The following TEKT1 variants were observed in gnomAD, a reference collection of about 807,000 sequenced individuals.
TEKT1 encodes the protein tektin-1.
TEKT1 carries 32 observed loss-of-function variants against 34.8 expected under a neutral mutation model. The observed-to-expected ratio is 0.92, with a 90% CI of 0.69 to 1.23. The LOEUF is 1.23. Among genes scored for constraint, TEKT1 ranks in the 50% most tolerant of loss-of-function variants. The probability of loss-of-function intolerance (pLI) is 0.00; values close to 1 mark genes in which losing one functional copy is unlikely to be tolerated. For synonymous variants in TEKT1, 207 were observed against 199.8 expected (o/e 1.04, Z -0.30); for missense variants, 492 against 518.5 (o/e 0.95, Z 0.50).
chr17:6,810,045 C>T (rs143659190), intron 6 of TEKT1, among the ~76,000 whole-genome samples: 2 of 152,292 alleles, frequency 1.3e-5, no homozygotes, highest in African/African-American at 4.8e-5. Context: ...TATGTTTAGC[C>T]TTGTAAGAAA....
At chr17:6,809,789 C>T (rs78727666) in intron 6 of TEKT1, among the ~76,000 whole-genome samples, 13,311 of 152,204 alleles carry the variant, frequency 0.087, 693 homozygotes, top group Middle Eastern at 0.19. Flanking sequence ...CTTAGCAATA[C>T]GCATTTAAAG....
At chr17:6,818,720 G>T (rs1479635484) in intron 3 of TEKT1, among the ~76,000 whole-genome samples, 1 of 152,072 alleles carries the variant, frequency 6.6e-6, no homozygotes, top group Non-Finnish European at 1.5e-5. Context: ...ACTCCTACTT[G>T]CTGGAATGTA....
intron 3 of TEKT1, 145 bp from the exon 4 acceptor site, chr17:6,816,107 T>C (rs139726008): frequency 2.6e-6 from 3 of 1,155,054 alleles, no homozygotes; most frequent in East Asian, 2.6e-5. Flanking sequence ...GTGACAGATA[T>C]TAGTTGGTGT....
At chr17:6,801,872 G>A (rs144525808) in intron 6 of TEKT1, among the ~76,000 whole-genome samples, 92 of 152,082 alleles carry the variant, frequency 6.0e-4, no homozygotes, top group African/African-American at 1.8e-3. Flanking sequence ...AAGGAACCTC[G>A]CATAGTCATC....
In TEKT1 at chr17:6,804,640, T is replaced by C. The variant is rs189727829; in HGVS notation, c.853-3697A>G. The stretch of plus-strand genomic sequence containing the variant: ...ATTATTTTGAGATATGTCCCATCAA[T>C]ACCTAATTTATTGAGAGTTTTTAGC... On this transcript the variant is annotated intron_variant, in intron 6 of 7. Transcript: ENST00000338694. Among the ~76,000 whole-genome samples the C allele has an allele frequency of 5.3e-5, 8 of 152,368 alleles. 1 individual carries two copies. Among genetic ancestry groups the C allele is most frequent in the Admixed American group, 5.2e-4 (8 of 15,308 alleles).
At chr17:6,815,800 G>C in intron 4 of TEKT1, 34 bp downstream of exon 4, 1 of 1,612,230 alleles carries the variant, frequency 6.2e-7, no homozygotes, top group South Asian at 1.1e-5. Flanking sequence ...AAAATTCCCA[G>C]TGGAGATTTG....
intron 2 of TEKT1, among the ~76,000 whole-genome samples, chr17:6,826,937 T>C (rs1432062005): frequency 2.6e-5 from 4 of 152,152 alleles, no homozygotes; most frequent in East Asian, 1.9e-4. Context: ...CCTCGTGATC[T>C]GCCCGCCTTG....
rs143710127 is a variant in TEKT1 at position 6,819,292 on chromosome 17, T to A, written c.257A>T (p.Asn86Ile). The A allele has an allele frequency of 3.7e-6, 6 of 1,614,014 alleles. No homozygotes were observed. The African/African-American group carries it at 8.0e-5, about 22-fold the overall frequency. Residue 86 changes from asparagine (N) to isoleucine (I), a missense_variant, in exon 3 of 8, where the codon AAT becomes ATT. Physicochemically the swap from Asn to Ile is moderately radical, Grantham distance 149 (BLOSUM62 -3). Transcript: ENST00000338694. ...ELDDKLEQLV[N>I]VTDDLLIYKI... is the part of the protein sequence containing the mutation. ...ATATATGAGTAGATCATCAGTTACA[T>A]TCACAAGCTGCTCAAGTTTGTCATC... is the stretch of plus-strand genomic sequence containing the variant.
rs879080841 is a variant in TEKT1, at chr17:6,812,746, C to T, written c.852+85G>A. 1.8e-5 allele frequency: 24 copies of T among 1,306,590 alleles called. No homozygotes were observed. In the South Asian group the frequency reaches 2.5e-4, roughly 14 times the overall value. 80.9% of individuals were successfully genotyped at this position (1,306,590 alleles called of 1,614,324 possible). On this transcript the variant is annotated intron_variant, in intron 6 of 7. Transcript: ENST00000338694. ...CAATATCCCAAGCCCAGAAGTCTAG[C>T]GGTCTGGCCCAGGGGGCATTCTTGT...
intron 2 of TEKT1, among the ~76,000 whole-genome samples, chr17:6,822,975 T>A (rs2151590530): frequency 6.6e-6 from 1 of 152,328 alleles, no homozygotes; most frequent in East Asian, 1.9e-4. Context: ...GGATCTTTCC[T>A]TTCGGGGCCA....
chr17:6,812,685 TGA>T, intron 6 of TEKT1, 144 bp downstream of exon 6: 1 of 750,786 alleles, frequency 1.3e-6, no homozygotes, highest in Non-Finnish European at 2.1e-6. Flanking sequence ...CTGCTAAGCT[TGA>T]GAGATATGAA....
At chr17:6,825,465 C>G (rs1023343556) in intron 2 of TEKT1, among the ~76,000 whole-genome samples, 2 of 152,196 alleles carry the variant, frequency 1.3e-5, no homozygotes, top group African/African-American at 4.8e-5. Context: ...AGCACCAGCA[C>G]AGGTACTTGC....
chr17:6,802,474 A>G (rs1354603799), intron 6 of TEKT1, among the ~76,000 whole-genome samples: 1 of 151,202 alleles, frequency 6.6e-6, no homozygotes, highest in East Asian at 1.9e-4. Context: ...TTTAAGGTGA[A>G]TTTTATTTTT....
chr17:6,813,287 C>A (rs1976954157), intron 5 of TEKT1, among the ~76,000 whole-genome samples: 1 of 152,058 alleles, frequency 6.6e-6, no homozygotes, highest in South Asian at 2.1e-4. Context: ...TCATGATGGC[C>A]AAGTGAGCTA....
intron 6 of TEKT1, among the ~76,000 whole-genome samples, chr17:6,805,044 G>T (rs566279146): frequency 6.6e-6 from 1 of 152,150 alleles, no homozygotes; most frequent in Non-Finnish European, 1.5e-5. Context: ...AATGATACCA[G>T]CTCCTCCTTG....
intron 4 of TEKT1, 52 bp downstream of exon 4, chr17:6,815,782 C>G (rs966627115): frequency 9.3e-6 from 15 of 1,608,004 alleles, no homozygotes; most frequent in Non-Finnish European, 1.3e-5. Flanking sequence ...TGGACACTGC[C>G]TTTTCTCAAA....
chr17:6,818,869 C>T (rs757022002), intron 3 of TEKT1, among the ~76,000 whole-genome samples: 1 of 152,188 alleles, frequency 6.6e-6, no homozygotes, highest in East Asian at 1.9e-4. Flanking sequence ...CCTGGACTGA[C>T]TATCTCTAGA....
chr17:6,816,074 C>G (rs7207831), intron 3 of TEKT1, 112 bp from the exon 4 acceptor site: 5 of 1,406,654 alleles, frequency 3.6e-6, no homozygotes, highest in Non-Finnish European at 4.8e-6. Context: ...GAGTGTCACC[C>G]GATCCATCCG....
intron 2 of TEKT1, among the ~76,000 whole-genome samples, chr17:6,826,796 C>T (rs957327612): frequency 2.0e-5 from 3 of 151,372 alleles, no homozygotes; most frequent in Admixed American, 2.0e-4. Flanking sequence ...CCTGAGTTCA[C>T]GCCATTCTCC....
Sources: allele counts gnomAD v4.1 joint callset (sites outside exome capture counted in the v4.1 genomes callset), GRCh38; gene constraint gnomAD v4.1.1; transcripts MANE v1.5; gene names NCBI Gene and HGNC (gene_info 2026-07-23, HGNC 2026-07-21).